The following EIF2S1 variants were observed in gnomAD, a reference collection of about 807,000 sequenced individuals.
EIF2S1 encodes the protein eukaryotic translation initiation factor 2 subunit alpha.
Under a neutral mutation model 33.5 loss-of-function variants are expected in EIF2S1, and 5 were observed. The observed-to-expected ratio is 0.15, with a 90% CI of 0.08 to 0.31. The LOEUF (loss-of-function observed/expected upper bound fraction) is 0.31. Among genes scored for constraint, EIF2S1 ranks in the 10% least tolerant of loss-of-function variants. The pLI is 1.00. For missense variants in EIF2S1, 191 were observed against 384.6 expected (o/e 0.50, Z 4.21); for synonymous variants, 99 against 127.5 (o/e 0.78, Z 1.51).
At chr14:67,371,723 C>T (rs1425756243) in intron 2 of EIF2S1, among the ~76,000 whole-genome samples, 1 of 152,200 alleles carries the variant, frequency 6.6e-6, no homozygotes, top group African/African-American at 2.4e-5. Flanking sequence ...AACAGCACTG[C>T]TGCTATATAT....
intron 5 of EIF2S1, 143 bp from the exon 6 acceptor site, chr14:67,381,450 T>G (rs1001826793): frequency 4.3e-5 from 23 of 533,882 alleles, no homozygotes; most frequent in Non-Finnish European, 7.6e-5. Context: ...GCCTCCCTTT[T>G]ATAAATAAGG....
intron 4 of EIF2S1, among the ~76,000 whole-genome samples, chr14:67,378,423 G>C (rs2085869315): frequency 6.8e-6 from 1 of 147,888 alleles, no homozygotes; most frequent in South Asian, 2.1e-4. Flanking sequence ...TGGTATAAAT[G>C]CTATTATTAT....
At chr14:67,381,915 T>C (rs2085889646) in intron 6 of EIF2S1, among the ~76,000 whole-genome samples, 2 of 152,172 alleles carry the variant, frequency 1.3e-5, no homozygotes. Flanking sequence ...GAGATTCCTA[T>C]TGGTAGAAAG....
At position 67,365,912 on chromosome 14, in the gene EIF2S1, G is replaced by A. The variant is rs186890998; in HGVS notation, c.241+904G>A. On this transcript the variant is annotated intron_variant, in intron 2 of 7. Transcript: ENST00000256383. ...TACATAGATTTTGAGGATGTCTTAT[G>A]CCTTAGGTAGTGACTGCTACTTAGC... Among the ~76,000 whole-genome samples the A allele has an allele frequency of 5.7e-4, 86 of 152,192 alleles. No individual in the cohort carries two copies. The East Asian group carries it at 6.0e-3, about 11-fold the overall frequency.
chr14:67,383,279 C>G (rs200972888), intron 7 of EIF2S1, 36 bp from the exon 8 acceptor site: 170 of 1,605,794 alleles, frequency 1.1e-4, no homozygotes, highest in Non-Finnish European at 1.3e-4. Flanking sequence ...ATAGTATTTA[C>G]TACTTCAGTT....
chr14:67,366,281 C>T lies in EIF2S1; in HGVS notation c.241+1273C>T, dbSNP rs117313936. 4.1e-3 allele frequency among the ~76,000 whole-genome samples: 618 copies of T among 152,160 alleles called. 18 individuals are homozygous for T. The East Asian group carries it at 0.059, about 15-fold the overall frequency. ...GTAGAGATGGGGTCTTGCTGTGTTG[C>T]CCAGGCTAGTCTTGAACTGGGCTCA... On this transcript the variant is annotated intron_variant, in intron 2 of 7. Coordinates refer to ENST00000256383, the MANE Select transcript of EIF2S1 (RefSeq NM_004094.5).
At chr14:67,380,453 C>T (rs1368694585) in intron 4 of EIF2S1, among the ~76,000 whole-genome samples, 1 of 152,070 alleles carries the variant, frequency 6.6e-6, no homozygotes, top group Non-Finnish European at 1.5e-5. Context: ...AGTCAGATCA[C>T]TAAAATTTTG....
intron 1 of EIF2S1, chr14:67,364,501 CATT>C: frequency 2.9e-6 from 1 of 347,552 alleles, no homozygotes; most frequent in Non-Finnish European, 5.3e-6. Flanking sequence ...TATAGATGGT[CATT>C]ATTTTTTATG....
chr14:67,374,172 C>G (rs1219348735), intron 2 of EIF2S1, among the ~76,000 whole-genome samples: 1 of 152,114 alleles, frequency 6.6e-6, no homozygotes, highest in African/African-American at 2.4e-5. Context: ...ACATGACACT[C>G]AAAGGAAATG....
intron 4 of EIF2S1, among the ~76,000 whole-genome samples, chr14:67,377,117 T>G (rs1391245792): frequency 6.6e-6 from 1 of 152,254 alleles, no homozygotes; most frequent in Non-Finnish European, 1.5e-5. Context: ...TTTTTCTCCC[T>G]GTCTTTTCGC....
rs2085903845 is a variant in EIF2S1 at position 67,383,875 on chromosome 14, C to T, written c.*435C>T. On this transcript the variant is annotated 3_prime_UTR_variant, in exon 8 of 8. Coordinates refer to ENST00000256383, the MANE Select transcript of EIF2S1 (RefSeq NM_004094.5). ...GGGATATTTAACTATAGGCTTCTTC[C>T]TTCTTGTCACCAGTTAAAAGCATTT... 2 of 222,236 alleles carry T rather than the reference C, an allele frequency of 9.0e-6. No homozygotes were observed. The highest frequency in any genetic ancestry group is 1.8e-5 in the Non-Finnish European group (2 of 109,980). 13.8% of individuals were successfully genotyped at this position (222,236 alleles called of 1,614,324 possible). A position where few individuals can be genotyped will look rare whatever the true frequency, so the allele number is the denominator to read the frequency against.
In EIF2S1 at chr14:67,377,944, A is replaced by G. The variant is rs572898340; in HGVS notation, c.473+1354A>G. 2.2e-4 allele frequency among the ~76,000 whole-genome samples: 31 copies of G among 142,630 alleles called. No individual in the cohort carries two copies. In the East Asian group the frequency reaches 5.3e-3, roughly 24 times the overall value. The allele number at this position is 142,630 out of a possible 152,430, so 93.6% of individuals were successfully genotyped here. A position where few individuals can be genotyped will look rare whatever the true frequency, so the allele number is the denominator to read the frequency against. On this transcript the variant is annotated intron_variant, in intron 4 of 7. Transcript: ENST00000256383. ...GCAGCATAGCAAGACTGCCATCTCTAAAAAAAAAAAAAATTAAAAGTAGCC... is the reference window on the plus strand; with the variant it reads ...GCAGCATAGCAAGACTGCCATCTCTGAAAAAAAAAAAAATTAAAAGTAGCC...
chr14:67,369,954 C>T (rs2085808460), intron 2 of EIF2S1, among the ~76,000 whole-genome samples: 1 of 152,190 alleles, frequency 6.6e-6, no homozygotes, highest in African/African-American at 2.4e-5. Context: ...TCACAGCCTT[C>T]AGAGCTGAGA....
intron 5 of EIF2S1, 145 bp from the exon 6 acceptor site, chr14:67,381,448 T>C: frequency 5.6e-6 from 3 of 531,990 alleles, no homozygotes; most frequent in African/African-American, 1.9e-5. Context: ...TTGCCTCCCT[T>C]TTATAAATAA....
chr14:67,370,051 A>G (rs2085809678), intron 2 of EIF2S1, among the ~76,000 whole-genome samples: 1 of 152,248 alleles, frequency 6.6e-6, no homozygotes, highest in African/African-American at 2.4e-5. Flanking sequence ...AACTAAAAGT[A>G]TCCCTTATGG....
chr14:67,383,645 AT>A lies in EIF2S1; in HGVS notation c.*210del. 1.7e-6 allele frequency: 1 copy of A among 596,356 alleles called. No individual in the cohort carries two copies. Among genetic ancestry groups the A allele is most frequent in the Non-Finnish European group, 2.8e-6 (1 of 353,154 alleles). 36.9% of individuals were successfully genotyped at this position (596,356 alleles called of 1,614,324 possible). A position where few individuals can be genotyped will look rare whatever the true frequency, so the allele number is the denominator to read the frequency against. Reference sequence around the variant, plus strand: ...ACACAGTAGCTCCAACACTTTGAGCATTTTTAAGGGAGTGGCCTCATTTCAC... The same window carrying A: ...ACACAGTAGCTCCAACACTTTGAGCATTTTAAGGGAGTGGCCTCATTTCAC... On this transcript the variant is annotated 3_prime_UTR_variant, in exon 8 of 8. Transcript: ENST00000256383.
At chr14:67,382,406 G>C (rs899817237) in intron 6 of EIF2S1, 41 bp from the exon 7 acceptor site, 10 of 1,570,966 alleles carry the variant, frequency 6.4e-6, no homozygotes, top group Admixed American at 5.2e-5. Context: ...TGTGGGTTCT[G>C]TAGGTACATT....
Sources: allele counts gnomAD v4.1 joint callset (sites outside exome capture counted in the v4.1 genomes callset), GRCh38; gene constraint gnomAD v4.1.1; transcripts MANE v1.5; gene names NCBI Gene and HGNC (gene_info 2026-07-23, HGNC 2026-07-21).